The following ENOX1 variants were observed in gnomAD, a reference collection of about 807,000 sequenced individuals.
The protein encoded by ENOX1 is ecto-NOX disulfide-thiol exchanger 1.
In ENOX1, 42 loss-of-function variants were observed where a neutral mutation model predicts 82.5. The observed-to-expected ratio is 0.51, with a 90% CI of 0.40 to 0.66. The LOEUF (loss-of-function observed/expected upper bound fraction) is 0.66, where lower values mean the gene tolerates loss of function less well. ENOX1 is among the 30% of genes least tolerant of loss of function. The pLI is 0.00. For synonymous variants in ENOX1, 271 were observed against 282.2 expected (o/e 0.96, Z 0.40); for missense variants, 608 against 811.6 (o/e 0.75, Z 3.05).
In ENOX1 at chr13:43,708,811, T is replaced by C. The variant is rs537311843; in HGVS notation, c.-284-41267A>G. 1.6e-4 allele frequency among the ~76,000 whole-genome samples: 25 copies of C among 152,216 alleles called. No individual in the cohort carries two copies. The South Asian group carries it at 5.0e-3, about 30-fold the overall frequency. On this transcript the variant is annotated intron_variant, in intron 1 of 16. Transcript: ENST00000690772. Reference sequence around the variant, plus strand: ...AAGCTGATAGAAGAAAAAACCTTTATGACATTAGGATGGTAAAGATCTTTC... The same window carrying C: ...AAGCTGATAGAAGAAAAAACCTTTACGACATTAGGATGGTAAAGATCTTTC...
chr13:43,711,729 G>A lies in ENOX1; in HGVS notation c.-284-44185C>T, dbSNP rs1415205507. On this transcript the variant is annotated intron_variant, in intron 1 of 16. Transcript: ENST00000690772. ...CTGCATAAATGTCTTCTTTTGAGAA[G>A]TGTCTGTTCATATCCTTCACCCACT... Among the ~76,000 whole-genome samples, 55 of 151,820 alleles carry A rather than the reference G, an allele frequency of 3.6e-4. 1 individual carries two copies. The highest frequency in any genetic ancestry group is 4.4e-5 in the Non-Finnish European group (3 of 67,992).
At chr13:43,346,408 A>T (rs1042939694) in intron 8 of ENOX1, among the ~76,000 whole-genome samples, 2 of 152,122 alleles carry the variant, frequency 1.3e-5, no homozygotes, top group African/African-American at 4.8e-5. Context: ...TTTCTGAGCA[A>T]ACCTGCCCCC....
rs74580464 is a variant in ENOX1, at chr13:43,746,499, C to T, written c.-285+40153G>A. On this transcript the variant is annotated intron_variant, in intron 1 of 16. Coordinates refer to ENST00000690772, the MANE Select transcript of ENOX1 (RefSeq NM_001347969.2). ...AATTAAGGAAATTAAAATAAGTGGT[C>T]GATAAGCTGGACTCTTACTTGGCCA... Among the ~76,000 whole-genome samples the T allele has an allele frequency of 4.6e-5, 7 of 152,038 alleles. No homozygotes were observed. In the East Asian group the frequency reaches 5.8e-4, roughly 13 times the overall value.
chr13:43,251,469 T>C lies in ENOX1; in HGVS notation c.1611+13929A>G, dbSNP rs376205075. Reference sequence around the variant, plus strand: ...TTACTGTGTTAGGTTCTGCAAGGAATACATACAAATTCTCCACTTTAAGGA... The same window carrying C: ...TTACTGTGTTAGGTTCTGCAAGGAACACATACAAATTCTCCACTTTAAGGA... On this transcript the variant is annotated intron_variant, in intron 14 of 16. Transcript: ENST00000690772. Among the ~76,000 whole-genome samples, 34 of 152,336 alleles carry C rather than the reference T, an allele frequency of 2.2e-4. 1 individual carries two copies. The South Asian group carries it at 7.0e-3, about 32-fold the overall frequency.
At position 43,213,766 on chromosome 13, in the gene ENOX1, T is replaced by G. The variant is rs944576069; in HGVS notation, c.*224A>C. 2.4e-5 allele frequency: 8 copies of G among 329,876 alleles called. No individual in the cohort carries two copies. The highest frequency in any genetic ancestry group is 1.7e-4 in the African/African-American group (8 of 46,884). 20.4% of individuals were successfully genotyped at this position (329,876 alleles called of 1,614,324 possible). A position where few individuals can be genotyped will look rare whatever the true frequency, so the allele number is the denominator to read the frequency against. ...CTGTGGAATCATTGTTTGGTTTTCATAGGAAACAGATCTGTCACAGTATGA... is the reference window on the plus strand; with the variant it reads ...CTGTGGAATCATTGTTTGGTTTTCAGAGGAAACAGATCTGTCACAGTATGA... On this transcript the variant is annotated 3_prime_UTR_variant, in exon 17 of 17. Coordinates refer to ENST00000690772, the MANE Select transcript of ENOX1 (RefSeq NM_001347969.2).
At chr13:43,532,942 T>C (rs1301924882) in intron 2 of ENOX1, among the ~76,000 whole-genome samples, 2 of 151,792 alleles carry the variant, frequency 1.3e-5, no homozygotes, top group Non-Finnish European at 2.9e-5. Flanking sequence ...TATTGATGGA[T>C]ATAACCACAT....
intron 2 of ENOX1, among the ~76,000 whole-genome samples, chr13:43,574,344 ACAG>A (rs2080320900): frequency 1.3e-5 from 2 of 152,162 alleles, no homozygotes; most frequent in African/African-American, 4.8e-5. Context: ...AAGCCACCAC[ACAG>A]CTTTTCCCGT....
chr13:43,507,934 AT>A (rs1307999830), intron 2 of ENOX1, among the ~76,000 whole-genome samples: 4 of 152,028 alleles, frequency 2.6e-5, no homozygotes, highest in Non-Finnish European at 5.9e-5. Flanking sequence ...CTATATATTG[AT>A]TTTTAACCAT....
intron 3 of ENOX1, among the ~76,000 whole-genome samples, chr13:43,465,943 A>C (rs2057699450): frequency 6.6e-6 from 1 of 152,222 alleles, no homozygotes; most frequent in African/African-American, 2.4e-5. Context: ...ATAATAATAT[A>C]TAAAAGGGCT....
intron 14 of ENOX1, among the ~76,000 whole-genome samples, chr13:43,255,523 T>G (rs1220851364): frequency 1.3e-5 from 2 of 152,090 alleles, no homozygotes; most frequent in Non-Finnish European, 2.9e-5. Flanking sequence ...ATCTTATATT[T>G]AGAAAACCCT....
At chr13:43,557,005 G>T (rs925406346) in intron 2 of ENOX1, among the ~76,000 whole-genome samples, 3 of 152,236 alleles carry the variant, frequency 2.0e-5, no homozygotes, top group Non-Finnish European at 4.4e-5. Flanking sequence ...AGTAGGAAAA[G>T]CCTGGGCAAG....
chr13:43,330,347 C>T (rs2048347803), intron 9 of ENOX1, among the ~76,000 whole-genome samples: 1 of 152,220 alleles, frequency 6.6e-6, no homozygotes, highest in Non-Finnish European at 1.5e-5. Flanking sequence ...CAGTGGTCCA[C>T]AGAGTGGTGG....
intron 1 of ENOX1, among the ~76,000 whole-genome samples, chr13:43,757,510 G>A (rs1950720006): frequency 6.6e-6 from 1 of 152,148 alleles, no homozygotes. Flanking sequence ...ACATGTGAGT[G>A]AGGACACCCT....
At chr13:43,337,046 C>T (rs1255032862) in intron 9 of ENOX1, among the ~76,000 whole-genome samples, 1 of 152,212 alleles carries the variant, frequency 6.6e-6, no homozygotes, top group Non-Finnish European at 1.5e-5. Context: ...AATACTCCTA[C>T]TGTAAAATTC....
intron 1 of ENOX1, among the ~76,000 whole-genome samples, chr13:43,723,806 G>T (rs757267981): frequency 6.6e-6 from 1 of 151,636 alleles, no homozygotes; most frequent in Non-Finnish European, 1.5e-5. Context: ...CACATGACAG[G>T]AAGAATTGCA....
chr13:43,443,008 A>G (rs1570451), intron 3 of ENOX1, among the ~76,000 whole-genome samples: 124,262 of 152,114 alleles, frequency 0.82, 51,297 homozygotes, highest in Non-Finnish European at 0.88. Flanking sequence ...GAATATAGAA[A>G]TGCCTTTATC....
At chr13:43,427,093 C>T (rs1221443610) in intron 3 of ENOX1, among the ~76,000 whole-genome samples, 2 of 152,168 alleles carry the variant, frequency 1.3e-5, no homozygotes, top group African/African-American at 4.8e-5. Context: ...TATCAATATA[C>T]ACTAGAGAGG....
chr13:43,621,170 G>A (rs1009222222), intron 2 of ENOX1, among the ~76,000 whole-genome samples: 4 of 152,128 alleles, frequency 2.6e-5, no homozygotes, highest in Non-Finnish European at 5.9e-5. Context: ...GGCAGCAGAT[G>A]GTTGGTGAGT....
chr13:43,521,261 A>G (rs1327878919), intron 2 of ENOX1, among the ~76,000 whole-genome samples: 1 of 152,128 alleles, frequency 6.6e-6, no homozygotes, highest in Non-Finnish European at 1.5e-5. Flanking sequence ...CCAATCAATA[A>G]ACTCCAAAGG....
Sources: gnomAD v4.1 joint callset for allele counts (sites outside exome capture counted in the v4.1 genomes callset) on GRCh38, gnomAD v4.1.1 for gene constraint, MANE v1.5 for transcripts, NCBI Gene and HGNC (gene_info 2026-07-23, HGNC 2026-07-21) for gene names.